Variants in PKN2 observed in about 807,000 individuals in gnomAD.
PKN2 encodes protein kinase N2.
A neutral mutation model predicts 119.1 loss-of-function variants in PKN2; 38 were observed. The ratio of observed to expected loss-of-function variants is 0.32; its 90% CI spans 0.25 to 0.42. PKN2 has a LOEUF of 0.42. Among genes scored for constraint, PKN2 ranks in the 10% least tolerant of loss-of-function variants. The pLI, the probability that PKN2 is intolerant of heterozygous loss-of-function variation, is 1.00. For synonymous variants in PKN2, 390 were observed against 384.9 expected, an observed-to-expected ratio of 1.01 and a Z score of -0.15; for missense variants, 850 against 1,165.1, an observed-to-expected ratio of 0.73 and a Z score of 3.94.
chr1:88,816,276 T>G (rs1334702704), intron 16 of PKN2, among the ~76,000 whole-genome samples: 1 of 152,180 alleles, frequency 6.6e-6, no homozygotes, highest in African/African-American at 2.4e-5. Flanking sequence ...AGACAGAGTC[T>G]TGCTCCGTCT....
chr1:88,689,252 T>C (rs116396209), intron 1 of PKN2, among the ~76,000 whole-genome samples: 1,659 of 152,290 alleles, frequency 0.011, 26 homozygotes, highest in African/African-American at 0.039. Flanking sequence ...TAAAAGTTGC[T>C]CATAGTTCTG....
chr1:88,739,628 A>T (rs956507442), intron 1 of PKN2, among the ~76,000 whole-genome samples: 2 of 152,176 alleles, frequency 1.3e-5, no homozygotes, highest in Non-Finnish European at 2.9e-5. Context: ...CATAAACTCA[A>T]ATCTCCTCCC....
At chr1:88,728,562 A>G (rs1667993685) in intron 1 of PKN2, among the ~76,000 whole-genome samples, 1 of 151,934 alleles carries the variant, frequency 6.6e-6, no homozygotes, top group Non-Finnish European at 1.5e-5. Flanking sequence ...ACAGGTTTAG[A>G]TTTACAGAAA....
At chr1:88,730,797 T>C (rs1346159642) in intron 1 of PKN2, among the ~76,000 whole-genome samples, 3 of 152,222 alleles carry the variant, frequency 2.0e-5, no homozygotes, top group Admixed American at 6.5e-5. Context: ...GGCATGGCCG[T>C]TATGAGACTT....
intron 1 of PKN2, among the ~76,000 whole-genome samples, chr1:88,717,907 C>CT (rs903314360): frequency 5.9e-5 from 9 of 152,178 alleles, no homozygotes; most frequent in Non-Finnish European, 1.2e-4. Flanking sequence ...CTTTTCTGCT[C>CT]TGGTTTCTCC....
At chr1:88,817,274 C>T (rs1206718347) in intron 16 of PKN2, among the ~76,000 whole-genome samples, 2 of 152,084 alleles carry the variant, frequency 1.3e-5, no homozygotes, top group African/African-American at 4.8e-5. Flanking sequence ...TAATCCATCA[C>T]ATAAACAGAA....
intron 15 of PKN2, among the ~76,000 whole-genome samples, chr1:88,808,231 G>A (rs1199692059): frequency 6.6e-6 from 1 of 151,984 alleles, no homozygotes; most frequent in Non-Finnish European, 1.5e-5. Flanking sequence ...TTAAAAACAT[G>A]TTTTTTGACC....
intron 1 of PKN2, among the ~76,000 whole-genome samples, chr1:88,737,055 C>G (rs1252946433): frequency 1.3e-5 from 2 of 152,202 alleles, no homozygotes; most frequent in East Asian, 3.9e-4. Context: ...ATCAGTGTCT[C>G]CACACTGTGC....
chr1:88,704,040 A>G (rs571927355), intron 1 of PKN2, among the ~76,000 whole-genome samples: 7 of 152,294 alleles, frequency 4.6e-5, no homozygotes, highest in Admixed American at 1.3e-4. Flanking sequence ...ATGCAATTTG[A>G]TAAGCTTGAC....
At chr1:88,817,797 G>A (rs1463935017) in intron 16 of PKN2, among the ~76,000 whole-genome samples, 2 of 149,546 alleles carry the variant, frequency 1.3e-5, no homozygotes, top group African/African-American at 5.1e-5. Context: ...TTGATGGGAC[G>A]TATCTCAAAA....
intron 2 of PKN2, among the ~76,000 whole-genome samples, chr1:88,747,199 A>G (rs1331382716): frequency 6.6e-6 from 1 of 152,188 alleles, no homozygotes; most frequent in Non-Finnish European, 1.5e-5. Context: ...TCTATTACAC[A>G]GCATGGTGAC....
chr1:88,774,980 A>T (rs1009741268), intron 6 of PKN2, among the ~76,000 whole-genome samples: 6 of 152,182 alleles, frequency 3.9e-5, no homozygotes, highest in Non-Finnish European at 8.8e-5. Flanking sequence ...AAGTGTTGGG[A>T]TTATAGGCGT....
intron 3 of PKN2, among the ~76,000 whole-genome samples, chr1:88,763,038 G>A (rs973234893): frequency 1.1e-4 from 16 of 152,258 alleles, no homozygotes; most frequent in African/African-American, 3.8e-4. Flanking sequence ...AAAAGCCATA[G>A]GGAAACAAAT....
intron 1 of PKN2, among the ~76,000 whole-genome samples, chr1:88,699,359 T>A (rs891851255): frequency 6.6e-6 from 1 of 152,226 alleles, no homozygotes; most frequent in African/African-American, 2.4e-5. Context: ...GTATCTTGTT[T>A]TTTTTGCGTA....
At chr1:88,804,333 A>G (rs1333270314) in intron 8 of PKN2, 58 bp from the exon 9 acceptor site, 2 of 1,277,016 alleles carry the variant, frequency 1.6e-6, no homozygotes, top group African/African-American at 3.0e-5. Flanking sequence ...ATTTTATTCA[A>G]GTGTGTGTCC....
chr1:88,696,290 A>G (rs1666540539), intron 1 of PKN2, among the ~76,000 whole-genome samples: 1 of 152,238 alleles, frequency 6.6e-6, no homozygotes, highest in African/African-American at 2.4e-5. Context: ...ACCCACTTAA[A>G]TTAGCTTAAG....
At chr1:88,702,039 A>G (rs1336948891) in intron 1 of PKN2, among the ~76,000 whole-genome samples, 3 of 152,010 alleles carry the variant, frequency 2.0e-5, no homozygotes, top group African/African-American at 7.3e-5. Flanking sequence ...GCTCACTGCA[A>G]CCTCCGCCTC....
chr1:88,810,213 C>T (rs1316108235), intron 15 of PKN2, among the ~76,000 whole-genome samples: 2 of 151,626 alleles, frequency 1.3e-5, no homozygotes, highest in East Asian at 3.9e-4. Flanking sequence ...CTCTCCCTTT[C>T]AGGTTCAAGT....
At chr1:88,693,055 T>C (rs1267672212) in intron 1 of PKN2, among the ~76,000 whole-genome samples, 1 of 152,236 alleles carries the variant, frequency 6.6e-6, no homozygotes, top group Admixed American at 6.5e-5. Flanking sequence ...TAGGTTGATT[T>C]AGTTAATGAG....
Sources: allele counts gnomAD v4.1 joint callset (sites outside exome capture counted in the v4.1 genomes callset), GRCh38; gene constraint gnomAD v4.1.1; transcripts MANE v1.5; gene names NCBI Gene and HGNC (gene_info 2026-07-23, HGNC 2026-07-21).